ITPR2: variants seen among roughly 807,000 people sequenced by gnomAD.
The protein encoded by ITPR2 is inositol 1,4,5-trisphosphate receptor type 2.
ITPR2 carries 207 observed loss-of-function variants against 317.1 expected under a neutral mutation model. The ratio of observed to expected loss-of-function variants is 0.65; its 90% CI spans 0.58 to 0.73. ITPR2 has a LOEUF of 0.73. ITPR2 is among the 30% of genes least tolerant of loss of function. The pLI is 0.00. For synonymous variants in ITPR2, 1,156 were observed against 1,149.1 expected (o/e 1.01, Z -0.12); for missense variants, 2,613 against 3,284.0 (o/e 0.80, Z 4.99).
At chr12:26,747,471 T>A (rs1344244613) in intron 2 of ITPR2, among the ~76,000 whole-genome samples, 2 of 152,236 alleles carry the variant, frequency 1.3e-5, no homozygotes, top group South Asian at 2.1e-4. Context: ...ACTGGTAACT[T>A]CATATAGGTC....
At chr12:26,444,177 T>C (rs1941554496) in intron 45 of ITPR2, among the ~76,000 whole-genome samples, 1 of 152,164 alleles carries the variant, frequency 6.6e-6, no homozygotes, top group Non-Finnish European at 1.5e-5. Context: ...GATTTTATTG[T>C]CATTGAAATC....
chr12:26,422,674 T>A (rs1226995242), intron 49 of ITPR2, among the ~76,000 whole-genome samples: 1 of 152,214 alleles, frequency 6.6e-6, no homozygotes, highest in Non-Finnish European at 1.5e-5. Context: ...CTGCTTTATC[T>A]TTGTCTTTAC....
chr12:26,461,629 TATATATATATATATATATA>T (rs1160862835), intron 45 of ITPR2, among the ~76,000 whole-genome samples: 4 of 2,956 alleles, frequency 1.4e-3, no homozygotes, highest in African/African-American at 3.3e-3. Flanking sequence ...AGCATATAAA[TATATATATATATATATATA>T]TATATATATA....
intron 1 of ITPR2, among the ~76,000 whole-genome samples, chr12:26,799,246 T>C (rs1366061376): frequency 6.6e-6 from 1 of 152,202 alleles, no homozygotes; most frequent in African/African-American, 2.4e-5. Flanking sequence ...TACCCACACA[T>C]AAATTACAGT....
chr12:26,782,539 G>A (rs1950116292), intron 2 of ITPR2, among the ~76,000 whole-genome samples: 1 of 152,156 alleles, frequency 6.6e-6, no homozygotes, highest in South Asian at 2.1e-4. Flanking sequence ...TTATAGGTGG[G>A]ACTAATTCAA....
intron 2 of ITPR2, among the ~76,000 whole-genome samples, chr12:26,757,418 G>A (rs1037136428): frequency 9.2e-5 from 14 of 152,130 alleles, no homozygotes; most frequent in African/African-American, 3.4e-4. Flanking sequence ...GCTTTGCCAT[G>A]TTGCTCAGGC....
intron 37 of ITPR2, among the ~76,000 whole-genome samples, chr12:26,505,161 ATAT>A (rs1283087334): frequency 6.6e-6 from 1 of 152,202 alleles, no homozygotes; most frequent in Non-Finnish European, 1.5e-5. Context: ...TAAAAATTCA[ATAT>A]TATAGGAAAA....
chr12:26,503,527 C>T lies in ITPR2; in HGVS notation c.5074-8267G>A, dbSNP rs371303395. ...ACATAAGAAGTTCAGTTTATGAATG[C>T]TCCCGGCATTGGCAATGACAATGCA... is the stretch of plus-strand genomic sequence containing the variant. On this transcript the variant is annotated intron_variant, in intron 37 of 56. Transcript: ENST00000381340. Among the ~76,000 whole-genome samples, 9 of 152,256 alleles carry T rather than the reference C, an allele frequency of 5.9e-5. 1 individual carries two copies. The highest frequency in any genetic ancestry group is 2.2e-4 in the African/African-American group (9 of 41,538).
rs1224872283 is a variant in ITPR2 at position 26,622,231 on chromosome 12, C to G, written c.3288+9G>C. On this transcript the variant is annotated intron_variant, in intron 25 of 56. Transcript: ENST00000381340. ...TGCTGTGGATGCATTGAGGGCTCTT[C>G]AATCTTACCTGCTTAAATGCCTGTA... is the stretch of plus-strand genomic sequence containing the variant. 1 of 1,601,936 alleles carries G rather than the reference C, an allele frequency of 6.2e-7. No individual in the cohort carries two copies. The highest frequency in any genetic ancestry group is 1.3e-5 in the African/African-American group (1 of 74,190).
intron 41 of ITPR2, among the ~76,000 whole-genome samples, chr12:26,485,674 T>C (rs915407744): frequency 1.3e-5 from 2 of 152,210 alleles, no homozygotes; most frequent in African/African-American, 4.8e-5. Context: ...CTGTTTCAAA[T>C]GAAGACATAC....
At chr12:26,492,919 GTATATATATATATA>G (rs150335068) in intron 39 of ITPR2, among the ~76,000 whole-genome samples, 265 of 144,480 alleles carry the variant, frequency 1.8e-3, no homozygotes, top group Admixed American at 4.8e-3. Flanking sequence ...GTGTGTGTGT[GTATATATATATATA>G]TATATATATA....
intron 22 of ITPR2, among the ~76,000 whole-genome samples, chr12:26,628,752 T>C (rs1042188054): frequency 6.6e-6 from 1 of 152,206 alleles, no homozygotes; most frequent in African/African-American, 2.4e-5. Flanking sequence ...GGCTCCAGAC[T>C]GTGCTAGGTG....
At chr12:26,558,214 G>A (rs1944715539) in intron 35 of ITPR2, among the ~76,000 whole-genome samples, 2 of 152,148 alleles carry the variant, frequency 1.3e-5, no homozygotes, top group Non-Finnish European at 2.9e-5. Flanking sequence ...AAATGTCCCT[G>A]TTGTTTAGAT....
chr12:26,713,108 G>A (rs746457323), intron 8 of ITPR2, among the ~76,000 whole-genome samples: 29 of 152,166 alleles, frequency 1.9e-4, no homozygotes, highest in Non-Finnish European at 3.8e-4. Flanking sequence ...ACTAGTGCCC[G>A]CTCCTACAAG....
intron 26 of ITPR2, among the ~76,000 whole-genome samples, chr12:26,603,368 T>C (rs1413869118): frequency 6.6e-6 from 1 of 152,226 alleles, no homozygotes; most frequent in Non-Finnish European, 1.5e-5. Flanking sequence ...CTATTATCTG[T>C]AGTATCACAA....
At chr12:26,830,219 T>A (rs1951079242) in intron 1 of ITPR2, among the ~76,000 whole-genome samples, 2 of 152,374 alleles carry the variant, frequency 1.3e-5, no homozygotes, top group East Asian at 3.9e-4. Context: ...GCAGCATTTC[T>A]AAAGACCCTT....
intron 43 of ITPR2, among the ~76,000 whole-genome samples, chr12:26,480,455 A>C (rs755291958): frequency 1.3e-5 from 2 of 152,200 alleles, no homozygotes; most frequent in African/African-American, 2.4e-5. Context: ...GACTTTGTCT[A>C]ATTCCTTGTG....
rs976690947 is a variant in ITPR2, at chr12:26,458,716, C to T, written c.6343-15066G>A. 2.0e-5 allele frequency among the ~76,000 whole-genome samples: 3 copies of T among 152,236 alleles called. No individual in the cohort carries two copies. In the East Asian group the frequency reaches 5.8e-4, roughly 29 times the overall value. Reference sequence around the variant, plus strand: ...TTGTTTTCTGTTAAAACTACAAAGACATGAGTTTGTTTATTCCTTTTGGAG... The same window carrying T: ...TTGTTTTCTGTTAAAACTACAAAGATATGAGTTTGTTTATTCCTTTTGGAG... On this transcript the variant is annotated intron_variant, in intron 45 of 56. Coordinates refer to ENST00000381340, the MANE Select transcript of ITPR2 (RefSeq NM_002223.4).
At chr12:26,654,184 G>T in intron 20 of ITPR2, 58 bp from the exon 21 acceptor site, 1 of 1,384,710 alleles carries the variant, frequency 7.2e-7, no homozygotes. Context: ...AAAAAAATTG[G>T]GTACTGAAAT....
Sources: allele counts gnomAD v4.1 joint callset (sites outside exome capture counted in the v4.1 genomes callset), GRCh38; gene constraint gnomAD v4.1.1; transcripts MANE v1.5; gene names NCBI Gene and HGNC (gene_info 2026-07-23, HGNC 2026-07-21).